TRPM3: variants seen among roughly 807,000 people sequenced by gnomAD.
The protein encoded by TRPM3 is transient receptor potential cation channel subfamily M member 3, also known as long transient receptor potential channel 3.
In TRPM3, 77 loss-of-function variants were observed where a neutral mutation model predicts 181.2. That is an observed-to-expected ratio of 0.42 (90% CI 0.35 to 0.51). The LOEUF is 0.51. Among genes scored for constraint, TRPM3 ranks in the 20% least tolerant of loss-of-function variants. The pLI is 0.01. For missense variants in TRPM3, 1,759 were observed against 2,196.7 expected (o/e 0.80, Z 3.98); for synonymous variants, 745 against 796.4 (o/e 0.94, Z 1.09).
At chr9:70,591,359 A>C (rs907952583) in intron 21 of TRPM3, among the ~76,000 whole-genome samples, 154 bp from the exon 22 acceptor site, 12 of 152,166 alleles carry the variant, frequency 7.9e-5, no homozygotes, top group Admixed American at 3.9e-4. Context: ...TCCAGATAAG[A>C]AGATGCTTGG....
intron 1 of TRPM3, among the ~76,000 whole-genome samples, chr9:71,414,606 A>G (rs562848648): frequency 5.8e-4 from 88 of 152,190 alleles, no homozygotes; most frequent in Middle Eastern, 3.4e-3. Flanking sequence ...ACTGAATATT[A>G]TAAGTTGGAC....
intron 1 of TRPM3, chr9:71,446,600 C>G: frequency 6.6e-7 from 1 of 1,520,734 alleles, no homozygotes; most frequent in Non-Finnish European, 8.9e-7. Flanking sequence ...GCTCAAGTCG[C>G]GTGCGAAGGG....
In TRPM3 at chr9:70,537,074, G is replaced by A. The variant is rs1301862753; in HGVS notation, c.4039C>T (p.Arg1347Ter). The A allele has an allele frequency of 2.5e-6, 4 of 1,611,828 alleles. No homozygotes were observed. Among genetic ancestry groups the A allele is most frequent in the Non-Finnish European group, 3.4e-6 (4 of 1,178,016 alleles). ...PTSPTLMPRM[R>*]SHSFYSVNMK... The stretch of plus-strand genomic sequence containing the variant: ...TTGACCGAATAGAAAGAATGGCTTC[G>A]CATACGGGGCATTAAGGTTGGAGAA... Residue 1347 changes from arginine to a stop codon, truncating the protein, a stop_gained, in exon 26 of 26, where the codon CGA becomes TGA. Coordinates refer to ENST00000677713, the MANE Select transcript of TRPM3 (RefSeq NM_001366145.2). LOFTEE classifies it high-confidence loss of function.
At chr9:71,124,941 T>C (rs1743971321), upstream of TRPM3, among the ~76,000 whole-genome samples, 1 of 152,190 alleles carries the variant, frequency 6.6e-6, no homozygotes, top group African/African-American at 2.4e-5. Flanking sequence ...TCAGAGTTTA[T>C]TATTACAACA....
chr9:70,877,963 T>A (rs2095900879), intron 1 of TRPM3, among the ~76,000 whole-genome samples: 1 of 152,086 alleles, frequency 6.6e-6, no homozygotes, highest in Non-Finnish European at 1.5e-5. Context: ...ATATGGCTCT[T>A]TTGTTTGAAC....
chr9:70,825,874 G>C (rs1235072466), intron 6 of TRPM3: 1 of 152,326 alleles, frequency 6.6e-6, no homozygotes, highest in African/African-American at 2.4e-5. Context: ...AGGTGCCAAA[G>C]TTTGACTAAA....
At chr9:70,779,465 A>G (rs927504215) in intron 7 of TRPM3, among the ~76,000 whole-genome samples, 4 of 152,176 alleles carry the variant, frequency 2.6e-5, no homozygotes, top group African/African-American at 7.2e-5. Flanking sequence ...TGCCTTTTTC[A>G]CACTGACTTT....
intron 1 of TRPM3, among the ~76,000 whole-genome samples, chr9:71,274,729 A>T (rs924228085): frequency 6.6e-6 from 1 of 152,240 alleles, no homozygotes; most frequent in Non-Finnish European, 1.5e-5. Flanking sequence ...TTTCGTCTAC[A>T]AACTCATGTA....
intron 1 of TRPM3, among the ~76,000 whole-genome samples, chr9:70,965,126 A>AT (rs1460945887): frequency 6.6e-5 from 10 of 151,510 alleles, no homozygotes; most frequent in East Asian, 3.9e-4. Context: ...TTTTTTATTT[A>AT]TTTTTTTTAA....
rs1037835147 is a variant in TRPM3 at position 70,632,842 on chromosome 9, C to A, written c.1632+2369G>T. Reference sequence around the variant, plus strand: ...AGCTGAGAAGCTACAAAAAACCCTACCTTAGAGATACTTTACATGCCTTCT... The same window carrying A: ...AGCTGAGAAGCTACAAAAAACCCTAACTTAGAGATACTTTACATGCCTTCT... On this transcript the variant is annotated intron_variant, in intron 12 of 25. Coordinates refer to ENST00000677713, the MANE Select transcript of TRPM3 (RefSeq NM_001366145.2). Among the ~76,000 whole-genome samples the A allele has an allele frequency of 5.9e-5, 9 of 152,266 alleles. 1 individual carries two copies. Among genetic ancestry groups the A allele is most frequent in the South Asian group, 4.2e-4 (2 of 4,818 alleles).
Position 70,562,502 on chromosome 9 carries a change from GCA to G in TRPM3, c.3224-9194_3224-9193del, listed in dbSNP as rs1355573272. ...TTGGCTTCTGGTCTATCTGCTATGTGCACACAGTTTCAGCTTTGAGCTATTCA... is the reference window on the plus strand; with the variant it reads ...TTGGCTTCTGGTCTATCTGCTATGTGCACAGTTTCAGCTTTGAGCTATTCA... On this transcript the variant is annotated intron_variant, in intron 22 of 25. Transcript: ENST00000677713. Among the ~76,000 whole-genome samples the G allele has an allele frequency of 5.3e-5, 8 of 152,096 alleles. No individual in the cohort carries two copies. In the South Asian group the frequency reaches 1.7e-3, roughly 31 times the overall value.
intron 1 of TRPM3, among the ~76,000 whole-genome samples, chr9:71,147,485 G>T (rs1212588371): frequency 6.8e-6 from 1 of 147,710 alleles, no homozygotes; most frequent in Non-Finnish European, 1.5e-5. Flanking sequence ...ATTTCTACTG[G>T]CTAAGAAAAG....
rs2097751695 is a variant in TRPM3 at position 71,012,255 on chromosome 9, T to G, written c.177+108923A>C. ...TATTAAAAAGGTCATTTTTAGAGAT[T>G]AGAGATATTCCAATGATTAGAGATA... is the stretch of plus-strand genomic sequence containing the variant. On this transcript the variant is annotated intron_variant, in intron 1 of 25. Coordinates refer to ENST00000677713, the MANE Select transcript of TRPM3 (RefSeq NM_001366145.2). 1.3e-5 allele frequency among the ~76,000 whole-genome samples: 2 copies of G among 152,154 alleles called. 1 individual carries two copies. Among genetic ancestry groups the G allele is most frequent in the African/African-American group, 4.8e-5 (2 of 41,444 alleles).
chr9:70,955,026 T>C (rs975796250), intron 1 of TRPM3, among the ~76,000 whole-genome samples: 3 of 152,182 alleles, frequency 2.0e-5, no homozygotes, highest in African/African-American at 7.2e-5. Flanking sequence ...ATTAAGATAA[T>C]CAGCTATAGC....
At chr9:71,073,011 C>T (rs1472578131) in intron 1 of TRPM3, among the ~76,000 whole-genome samples, 9 of 152,156 alleles carry the variant, frequency 5.9e-5, no homozygotes, top group Non-Finnish European at 4.4e-5. Context: ...GAGCCATCTT[C>T]CCCGGCCCCT....
rs186973618 is a variant in TRPM3 at position 71,013,789 on chromosome 9, C to T, written c.177+107389G>A. Among the ~76,000 whole-genome samples, 43 of 152,090 alleles carry T rather than the reference C, an allele frequency of 2.8e-4. 1 individual carries two copies. Among genetic ancestry groups the T allele is most frequent in the Non-Finnish European group, 4.0e-4 (27 of 67,892 alleles). ...ATCCATTGCCATCTCTTGTTTTGTA[C>T]ATTTGTAACTTTCCCCACAAATATA... On this transcript the variant is annotated intron_variant, in intron 1 of 25. Coordinates refer to ENST00000677713, the MANE Select transcript of TRPM3 (RefSeq NM_001366145.2).
intron 1 of TRPM3, among the ~76,000 whole-genome samples, chr9:71,106,948 T>C (rs1224259050): frequency 6.6e-6 from 1 of 152,110 alleles, no homozygotes; most frequent in Non-Finnish European, 1.5e-5. Context: ...GCTGAGCAAT[T>C]CCCACATTTA....
chr9:70,800,167 A>G (rs1264418809), intron 6 of TRPM3, among the ~76,000 whole-genome samples: 1 of 152,330 alleles, frequency 6.6e-6, no homozygotes, highest in Non-Finnish European at 1.5e-5. Flanking sequence ...CTTAGAAAGA[A>G]AAAACAACTG....
intron 1 of TRPM3, among the ~76,000 whole-genome samples, chr9:71,255,732 G>T (rs1565390416): frequency 6.6e-6 from 1 of 152,150 alleles, no homozygotes; most frequent in Non-Finnish European, 1.5e-5. Context: ...CCTTGGGCAA[G>T]TCTTTTATTC....
Sources: gnomAD v4.1 joint callset for allele counts (sites outside exome capture counted in the v4.1 genomes callset) on GRCh38, gnomAD v4.1.1 for gene constraint, MANE v1.5 for transcripts, NCBI Gene and HGNC (gene_info 2026-07-23, HGNC 2026-07-21) for gene names.